The following CFAP107 variants were observed in gnomAD, a reference collection of about 807,000 sequenced individuals.
CFAP107 encodes the protein cilia and flagella associated protein 107, also known as cilia- and flagella-associated protein 107.
chr1:12,757,467 A>G, the CFAP107 span, among the ~76,000 whole-genome samples: 1 of 150,364 alleles, frequency 6.7e-6, no homozygotes, highest in African/African-American at 2.5e-5. Context: ...CTGAAACCTC[A>G]GCCTCCTGGG....
chr1:12,754,669 C>A, the CFAP107 span, among the ~76,000 whole-genome samples: 3 of 152,194 alleles, frequency 2.0e-5, no homozygotes, highest in Non-Finnish European at 2.9e-5. Flanking sequence ...GGAATATAAT[C>A]AAACCTTAAA....
the CFAP107 span, among the ~76,000 whole-genome samples, chr1:12,749,915 T>G: frequency 3.3e-5 from 5 of 152,176 alleles, no homozygotes; most frequent in Admixed American, 2.0e-4. Context: ...TGCAAAAATA[T>G]AAAGTTCTCC....
chr1:12,754,421 G>A, the CFAP107 span, among the ~76,000 whole-genome samples: 1 of 152,152 alleles, frequency 6.6e-6, no homozygotes, highest in Non-Finnish European at 1.5e-5. Flanking sequence ...GCCCTAAATG[G>A]TACTGCCACT....
At chr1:12,746,295 AT>A in the CFAP107 span, 1 of 590,628 alleles carries the variant, frequency 1.7e-6, no homozygotes, top group South Asian at 1.9e-5. Flanking sequence ...GCAAGGAGTC[AT>A]CTACTAGCCA....
chr1:12,753,544 G>A, the CFAP107 span: 17 of 152,126 alleles, frequency 1.1e-4, no homozygotes, highest in African/African-American at 3.6e-4. Flanking sequence ...GAACAAAAGA[G>A]AGAGCCTAGA....
chr1:12,759,288 C>T, the CFAP107 span: 1 of 1,610,208 alleles, frequency 6.2e-7, no homozygotes, highest in Non-Finnish European at 8.5e-7. Context: ...CAGTAACGAG[C>T]CCACTGTGTC....
At chr1:12,746,726 T>C in the CFAP107 span, among the ~76,000 whole-genome samples, 1 of 152,076 alleles carries the variant, frequency 6.6e-6, no homozygotes, top group African/African-American at 2.4e-5. Flanking sequence ...TCACGCATTT[T>C]GCATGGTTTC....
chr1:12,749,546 G>A, the CFAP107 span, among the ~76,000 whole-genome samples: 1 of 152,308 alleles, frequency 6.6e-6, no homozygotes, highest in African/African-American at 2.4e-5. Flanking sequence ...GGGAGGTGGA[G>A]GTTCTAGTGA....
chr1:12,760,023 C>T, the CFAP107 span, among the ~76,000 whole-genome samples: 1 of 151,942 alleles, frequency 6.6e-6, no homozygotes, highest in East Asian at 1.9e-4. Flanking sequence ...CTTTGGTTCA[C>T]AAATTCCTCC....
the CFAP107 span, chr1:12,759,708 C>T: frequency 1.9e-5 from 12 of 619,854 alleles, no homozygotes; most frequent in South Asian, 3.6e-5. Flanking sequence ...GAAGCCATCA[C>T]CTGTGCCCCA....
At chr1:12,758,909 T>A in the CFAP107 span, among the ~76,000 whole-genome samples, 1 of 152,198 alleles carries the variant, frequency 6.6e-6, no homozygotes, top group African/African-American at 2.4e-5. Flanking sequence ...GCTTTCACCA[T>A]CTTGTCCTTG....
At chr1:12,761,841 C>T in the CFAP107 span, 1 of 152,284 alleles carries the variant, frequency 6.6e-6, no homozygotes, top group South Asian at 2.1e-4. Context: ...TGGCTGAGCT[C>T]TCAAATCTTT....
the CFAP107 span, among the ~76,000 whole-genome samples, chr1:12,751,897 G>T: frequency 3.9e-5 from 6 of 151,920 alleles, no homozygotes; most frequent in African/African-American, 1.5e-4. Flanking sequence ...ACAATCTATC[G>T]AGACTGAATT....
the CFAP107 span, chr1:12,760,851 A>G: frequency 6.2e-7 from 1 of 1,614,176 alleles, no homozygotes; most frequent in Non-Finnish European, 8.5e-7. Flanking sequence ...CAGAGCACTT[A>G]TACTTCATCC....
chr1:12,763,372 G>A, the CFAP107 span: 1 of 152,276 alleles, frequency 6.6e-6, no homozygotes, highest in African/African-American at 2.4e-5. Flanking sequence ...GCAACGGGCA[G>A]GGGTTGACGG....
chr1:12,757,768 T>G, the CFAP107 span, among the ~76,000 whole-genome samples: 6 of 152,162 alleles, frequency 3.9e-5, no homozygotes, highest in African/African-American at 1.4e-4. Context: ...TCCACACAGC[T>G]GCTTCAACTC....
chr1:12,761,108 C>T, the CFAP107 span: 4 of 662,140 alleles, frequency 6.0e-6, no homozygotes, highest in East Asian at 1.2e-4. Flanking sequence ...CGGTACCTGT[C>T]CCCCCTCAAA....
chr1:12,750,422 T>C, the CFAP107 span, among the ~76,000 whole-genome samples: 1 of 152,166 alleles, frequency 6.6e-6, no homozygotes, highest in Non-Finnish European at 1.5e-5. Flanking sequence ...AACTTCCAAA[T>C]GAAAGGCATA....
At chr1:12,751,316 A>C in the CFAP107 span, among the ~76,000 whole-genome samples, 1 of 152,212 alleles carries the variant, frequency 6.6e-6, no homozygotes, top group Non-Finnish European at 1.5e-5. Context: ...ATAGGAAAAC[A>C]ACAGAAAAAA....
Sources: gnomAD v4.1 joint callset for allele counts (sites outside exome capture counted in the v4.1 genomes callset) on GRCh38, gnomAD v4.1.1 for gene constraint, MANE v1.5 for transcripts, NCBI Gene and HGNC (gene_info 2026-07-23, HGNC 2026-07-21) for gene names.